ADCY1: variants seen among roughly 807,000 people sequenced by gnomAD.
ADCY1 encodes adenylate cyclase 1.
ADCY1 carries 28 observed loss-of-function variants against 105.4 expected under a neutral mutation model. The ratio of observed to expected loss-of-function variants is 0.27; its 90% CI spans 0.20 to 0.36. The LOEUF is 0.36. ADCY1 is among the 10% of genes least tolerant of loss of function. The pLI is 1.00. For synonymous variants in ADCY1, 655 were observed against 623.8 expected (o/e 1.05, Z -0.75); for missense variants, 977 against 1,434.2 (o/e 0.68, Z 5.15).
chr7:45,610,375 C>T lies in ADCY1; in HGVS notation c.790-4C>T. ...TCTAACCCGGGCCCTTCTCTTCTGT[C>T]CAGGAGCGGCTCCTCATGAGCCTCC... On this transcript the variant is annotated splice_region_variant and splice_polypyrimidine_tract_variant and intron_variant, in intron 2 of 19. Coordinates refer to ENST00000297323, the MANE Select transcript of ADCY1 (RefSeq NM_021116.4). The T allele has an allele frequency of 6.2e-7, 1 of 1,613,014 alleles. No homozygotes were observed. Among genetic ancestry groups the T allele is most frequent in the Non-Finnish European group, 8.5e-7 (1 of 1,179,414 alleles).
At chr7:45,654,988 G>A (rs76273273) in intron 5 of ADCY1, among the ~76,000 whole-genome samples, 2,365 of 152,230 alleles carry the variant, frequency 0.016, 34 homozygotes, top group South Asian at 0.06. Context: ...TGCTGCAGGC[G>A]TGTGTGTTGT....
intron 1 of ADCY1, among the ~76,000 whole-genome samples, chr7:45,576,553 G>C (rs1792354542): frequency 6.6e-6 from 1 of 152,132 alleles, no homozygotes; most frequent in Non-Finnish European, 1.5e-5. Flanking sequence ...ACAAAAGGAT[G>C]GCTAAAGGCT....
intron 1 of ADCY1, among the ~76,000 whole-genome samples, chr7:45,579,977 T>G (rs1252540767): frequency 6.9e-5 from 1 of 14,484 alleles, no homozygotes; most frequent in Non-Finnish European, 1.4e-4. Context: ...CTCGCCCCCA[T>G]TTTTGTTTTT....
intron 1 of ADCY1, among the ~76,000 whole-genome samples, chr7:45,584,678 C>T (rs1792665821): frequency 1.3e-5 from 2 of 152,246 alleles, no homozygotes; most frequent in African/African-American, 4.8e-5. Context: ...TGCCCCCCAC[C>T]TACCACACAG....
At chr7:45,659,273 C>T (rs965408470) in intron 6 of ADCY1, among the ~76,000 whole-genome samples, 2 of 152,230 alleles carry the variant, frequency 1.3e-5, no homozygotes, top group African/African-American at 2.4e-5. Flanking sequence ...TCGTCCTCAG[C>T]CAGCCTTAGA....
intron 4 of ADCY1, among the ~76,000 whole-genome samples, chr7:45,646,171 A>C (rs1467771354): frequency 1.3e-5 from 2 of 152,104 alleles, no homozygotes; most frequent in Non-Finnish European, 2.9e-5. Context: ...GGGACAGGGT[A>C]GTGTCCCAGG....
Position 45,703,683 on chromosome 7 carries a change from C to A in ADCY1, c.2655C>A (p.Asp885Glu). ...TCAATGACTTCTACATCGAGCTGGA[C>A]GGCAACAACATGGGGGTGGAGTGTC... is the stretch of plus-strand genomic sequence containing the variant. The part of the protein sequence containing the change: ...PNFNDFYIEL[D>E]GNNMGVECLR... Residue 885 changes from aspartate to glutamate, a missense_variant, in exon 16 of 20, where the codon GAC becomes GAA. This residue lies in a region of ADCY1 where 152 missense variants were observed against 293.7 expected (regional missense o/e 0.52). Coordinates refer to ENST00000297323, the MANE Select transcript of ADCY1 (RefSeq NM_021116.4). This position sits in a 1 kb window ranked among gnomAD's most constrained non-coding sequence, Gnocchi z 5.9. The A allele has an allele frequency of 6.2e-7, 1 of 1,612,568 alleles. No individual in the cohort carries two copies. Among genetic ancestry groups the A allele is most frequent in the Non-Finnish European group, 8.5e-7 (1 of 1,179,186 alleles).
intron 14 of ADCY1, among the ~76,000 whole-genome samples, chr7:45,693,101 G>A (rs538473042): frequency 7.9e-5 from 12 of 152,228 alleles, no homozygotes; most frequent in African/African-American, 1.9e-4. Context: ...CATTCCTTTC[G>A]AAAAGCGATA....
At chr7:45,621,152 A>T (rs1793878017) in intron 3 of ADCY1, among the ~76,000 whole-genome samples, 1 of 152,020 alleles carries the variant, frequency 6.6e-6, no homozygotes, top group South Asian at 2.1e-4. Flanking sequence ...TGCAACCTCC[A>T]CCTCCCAGGC....
At chr7:45,662,256 G>A (rs1182942421) in intron 8 of ADCY1, 42 bp downstream of exon 8, 4 of 1,589,882 alleles carry the variant, frequency 2.5e-6, no homozygotes, top group East Asian at 2.3e-5. Flanking sequence ...AGCTGCCAGG[G>A]ACTGATCTCT....
Position 45,645,214 on chromosome 7 carries a change from T to C in ADCY1, c.1021-3456T>C, listed in dbSNP as rs141722489. 1.1e-4 allele frequency among the ~76,000 whole-genome samples: 17 copies of C among 152,152 alleles called. 1 individual carries two copies. The South Asian group carries it at 2.3e-3, about 20-fold the overall frequency. On this transcript the variant is annotated intron_variant, in intron 4 of 19. Coordinates refer to ENST00000297323, the MANE Select transcript of ADCY1 (RefSeq NM_021116.4). ...CCCTTGGTCCTCATGCAGAGATAGG[T>C]TCTCCCCACTCACAGCTCGCCCACA...
rs186512473 is a variant in ADCY1, at chr7:45,687,067, G to A, written c.2454+394G>A. ...TCATCGGGGTCATTGGGAAATACAA[G>A]AAAATGCCAAAACTCTCACCACCTA... On this transcript the variant is annotated intron_variant, in intron 14 of 19. Transcript: ENST00000297323. 4.3e-4 allele frequency among the ~76,000 whole-genome samples: 65 copies of A among 152,290 alleles called. No individual in the cohort carries two copies. The East Asian group carries it at 0.012, about 28-fold the overall frequency.
intron 4 of ADCY1, among the ~76,000 whole-genome samples, chr7:45,628,497 A>G (rs1794129079): frequency 6.6e-6 from 1 of 152,124 alleles, no homozygotes; most frequent in Non-Finnish European, 1.5e-5. Context: ...CCCAGACTCT[A>G]TCAGGGGTGG....
At chr7:45,699,593 G>A (rs75973299) in intron 14 of ADCY1, among the ~76,000 whole-genome samples, 2,864 of 146,458 alleles carry the variant, frequency 0.02, 44 homozygotes, top group Middle Eastern at 0.069. Context: ...TGGTGGTTGT[G>A]CACCTCTGCT....
At position 45,703,562 on chromosome 7, in the gene ADCY1, C is replaced by T. The variant is rs774860748; in HGVS notation, c.2572-38C>T. On this transcript the variant is annotated intron_variant, in intron 15 of 19. Coordinates refer to ENST00000297323, the MANE Select transcript of ADCY1 (RefSeq NM_021116.4). This position sits in a 1 kb window ranked among gnomAD's most constrained non-coding sequence, Gnocchi z 5.9. ...TCTGGCCACCCCACTTGGCGCTCAC[C>T]TGGCTGACCCTTCCTGACCCATCCT... is the stretch of plus-strand genomic sequence containing the variant. The T allele has an allele frequency of 2.5e-6, 4 of 1,611,780 alleles. No individual in the cohort carries two copies. In the East Asian group the frequency reaches 8.9e-5, roughly 36 times the overall value.
At position 45,647,606 on chromosome 7, in the gene ADCY1, T is replaced by G. The variant is rs1051662292; in HGVS notation, c.1021-1064T>G. Among the ~76,000 whole-genome samples, 3 of 152,178 alleles carry G rather than the reference T, an allele frequency of 2.0e-5. No homozygotes were observed. The highest frequency in any genetic ancestry group is 4.4e-5 in the Non-Finnish European group (3 of 68,032). On this transcript the variant is annotated intron_variant, in intron 4 of 19. Transcript: ENST00000297323. This position sits in a 1 kb window ranked among gnomAD's most constrained non-coding sequence, Gnocchi z 4.6. Reference sequence around the variant, plus strand: ...GTTCCTTCACGGGCATCTGCAGAGATAGCACAGCACGAAGGCTGGATGCAG... The same window carrying G: ...GTTCCTTCACGGGCATCTGCAGAGAGAGCACAGCACGAAGGCTGGATGCAG...
In ADCY1 at chr7:45,708,584, G is replaced by C. The variant is rs1437255226; in HGVS notation, c.2932+120G>C. ...CAGGAAGGAGGGTGGTGCCACCCAG[G>C]AGGGCATGGGGACCTGTGTACCGAG... On this transcript the variant is annotated intron_variant, in intron 18 of 19. Transcript: ENST00000297323. The surrounding 1 kb of genome is among the most constrained non-coding windows in gnomAD (Gnocchi z 4.7). 5.5e-6 allele frequency: 4 copies of C among 722,296 alleles called. No individual in the cohort carries two copies. Among genetic ancestry groups the C allele is most frequent in the Non-Finnish European group, 9.6e-6 (4 of 415,222 alleles). The allele number at this position is 722,296 out of a possible 1,614,324, so 44.7% of individuals were successfully genotyped here.
chr7:45,578,521 G>C (rs1325195118), intron 1 of ADCY1, among the ~76,000 whole-genome samples: 1 of 152,194 alleles, frequency 6.6e-6, no homozygotes, highest in African/African-American at 2.4e-5. Flanking sequence ...AGATCATGGG[G>C]GTGGGGTAGG....
intron 4 of ADCY1, among the ~76,000 whole-genome samples, chr7:45,646,072 A>G (rs1794656691): frequency 6.6e-6 from 1 of 152,026 alleles, no homozygotes; most frequent in African/African-American, 2.4e-5. Flanking sequence ...AGCCCTGTGC[A>G]TTCAGGCCTG....
Sources: gnomAD v4.1 joint callset for allele counts (sites outside exome capture counted in the v4.1 genomes callset) on GRCh38, gnomAD v4.1.1 for gene constraint, gnomAD v4.1.1 regional missense constraint, Gnocchi (gnomAD v3.1) non-coding constraint, MANE v1.5 for transcripts, NCBI Gene and HGNC (gene_info 2026-07-23, HGNC 2026-07-21) for gene names.